Variants in FRMD4B observed in about 807,000 individuals in gnomAD.
The protein encoded by FRMD4B is FERM domain containing 4B, also known as FERM domain-containing protein 4B.
FRMD4B carries 74 observed loss-of-function variants against 141.5 expected under a neutral mutation model. The ratio of observed to expected loss-of-function variants is 0.52; its 90% CI spans 0.43 to 0.63. FRMD4B has a LOEUF of 0.63. Among genes scored for constraint, FRMD4B ranks in the 30% least tolerant of loss-of-function variants. The probability of loss-of-function intolerance (pLI) is 0.00; values close to 1 mark genes in which losing one functional copy is unlikely to be tolerated. For synonymous variants in FRMD4B, 506 were observed against 467.9 expected (o/e 1.08, Z -1.05); for missense variants, 1,366 against 1,253.4 (o/e 1.09, Z -1.36).
At chr3:69,243,395 GAA>G (rs1311568203) in intron 7 of FRMD4B, among the ~76,000 whole-genome samples, 1 of 152,202 alleles carries the variant, frequency 6.6e-6, no homozygotes, top group African/African-American at 2.4e-5. Context: ...GAGAAAAAAT[GAA>G]GAGAGGCATG....
At chr3:69,347,891 A>C (rs1263189082) in intron 1 of FRMD4B, among the ~76,000 whole-genome samples, 1 of 152,264 alleles carries the variant, frequency 6.6e-6, no homozygotes, top group Non-Finnish European at 1.5e-5. Flanking sequence ...GAGAGATCTA[A>C]ATTTGACACC....
At chr3:69,394,361 G>A (rs1000593773) in intron 2 of FRMD4B, among the ~76,000 whole-genome samples, 5 of 152,328 alleles carry the variant, frequency 3.3e-5, no homozygotes, top group East Asian at 3.9e-4. Flanking sequence ...TTTCAAATAC[G>A]GATCTTGGGA....
At chr3:69,394,956 A>G (rs1435681906) in intron 2 of FRMD4B, among the ~76,000 whole-genome samples, 1 of 152,178 alleles carries the variant, frequency 6.6e-6, no homozygotes, top group Non-Finnish European at 1.5e-5. Context: ...CATAAGTGGT[A>G]GTTGAACAAT....
intron 1 of FRMD4B, among the ~76,000 whole-genome samples, chr3:69,340,738 G>A (rs1028065364): frequency 6.6e-6 from 1 of 152,162 alleles, no homozygotes; most frequent in African/African-American, 2.4e-5. Flanking sequence ...GGGTTCCATA[G>A]CTCTTATTAT....
At chr3:69,403,971 T>C (rs550884402) in intron 2 of FRMD4B, among the ~76,000 whole-genome samples, 2 of 152,288 alleles carry the variant, frequency 1.3e-5, no homozygotes, top group East Asian at 3.9e-4. Flanking sequence ...ACAATTATGC[T>C]CACAGCCTTG....
chr3:69,438,055 A>G (rs2106853754), intron 1 of FRMD4B, among the ~76,000 whole-genome samples: 1 of 144,628 alleles, frequency 6.9e-6, no homozygotes, highest in African/African-American at 2.5e-5. Context: ...CTACTATATG[A>G]TATATAATTA....
At chr3:69,420,864 A>C (rs1704963385) in intron 2 of FRMD4B, among the ~76,000 whole-genome samples, 1 of 152,230 alleles carries the variant, frequency 6.6e-6, no homozygotes, top group Admixed American at 6.5e-5. Context: ...TGAAGCAAAG[A>C]TGCCAGGGAG....
In FRMD4B at chr3:69,282,290, T is replaced by A. The variant is rs184829947; in HGVS notation, c.501+5462A>T. 8.5e-5 allele frequency among the ~76,000 whole-genome samples: 13 copies of A among 152,190 alleles called. No homozygotes were observed. In the East Asian group the frequency reaches 2.3e-3, roughly 27 times the overall value. ...TGGCAGAGAAGAAATGTGTGTAGGG[T>A]GTGATCAGAGGTGTCAAACATCTCA... On this transcript the variant is annotated intron_variant, in intron 5 of 22. Transcript: ENST00000398540.
At chr3:69,180,259 A>G (rs2092691494) in intron 21 of FRMD4B, among the ~76,000 whole-genome samples, 1 of 151,682 alleles carries the variant, frequency 6.6e-6, no homozygotes, top group Non-Finnish European at 1.5e-5. Context: ...AAAAAAAAAA[A>G]AAAAAAAAAA....
At chr3:69,326,522 T>C (rs974485521) in intron 1 of FRMD4B, among the ~76,000 whole-genome samples, 3 of 152,250 alleles carry the variant, frequency 2.0e-5, no homozygotes, top group Non-Finnish European at 4.4e-5. Flanking sequence ...TGCAAGTTAA[T>C]ATGTGTTCAT....
chr3:69,501,316 C>G (rs1706493433), intron 1 of FRMD4B, among the ~76,000 whole-genome samples: 1 of 149,476 alleles, frequency 6.7e-6, no homozygotes, highest in African/African-American at 2.5e-5. Context: ...TCCAGTGTGG[C>G]TCAGGGAAGT....
intron 1 of FRMD4B, among the ~76,000 whole-genome samples, chr3:69,461,977 G>A (rs1414624337): frequency 6.6e-6 from 1 of 152,096 alleles, no homozygotes; most frequent in Admixed American, 6.6e-5. Flanking sequence ...CCTGCTCTGG[G>A]GGCCTTCTCT....
chr3:69,204,216 G>A (rs189932650), intron 11 of FRMD4B, among the ~76,000 whole-genome samples: 1 of 152,224 alleles, frequency 6.6e-6, no homozygotes, highest in East Asian at 1.9e-4. Flanking sequence ...CACCTGCCAC[G>A]TGCTAGGAGG....
intron 11 of FRMD4B, chr3:69,200,436 G>T: frequency 1.0e-6 from 1 of 995,320 alleles, no homozygotes; most frequent in Non-Finnish European, 1.2e-6. Context: ...TCCAAAAATG[G>T]GACAGAAATG....
chr3:69,190,983 G>C (rs563965152), intron 17 of FRMD4B, among the ~76,000 whole-genome samples: 24 of 152,302 alleles, frequency 1.6e-4, no homozygotes, highest in African/African-American at 5.8e-4. Context: ...TTAGAATAAC[G>C]GATGTAAAGC....
intron 11 of FRMD4B, among the ~76,000 whole-genome samples, chr3:69,216,052 G>A (rs1312748371): frequency 6.6e-6 from 1 of 152,068 alleles, no homozygotes; most frequent in African/African-American, 2.4e-5. Context: ...TACTTGGGAG[G>A]CTGAGGCAGG....
chr3:69,196,734 GC>G lies in FRMD4B; in HGVS notation c.1092+165del, dbSNP rs1035166753. The G allele has an allele frequency of 9.2e-5, 56 of 609,028 alleles. No individual in the cohort carries two copies. In the African/African-American group the frequency reaches 9.5e-4, roughly 10 times the overall value. The allele number at this position is 609,028 out of a possible 1,614,324, so 37.7% of individuals were successfully genotyped here. A position where few individuals can be genotyped will look rare whatever the true frequency, so the allele number is the denominator to read the frequency against. ...CAACTTTTAAAGCAGCTTATATATTGCCCATCATGTAAACATATAAAAAACC... is the reference window on the plus strand; with the variant it reads ...CAACTTTTAAAGCAGCTTATATATTGCCATCATGTAAACATATAAAAAACC... On this transcript the variant is annotated intron_variant, in intron 13 of 22. Transcript: ENST00000398540.
chr3:69,373,874 A>G (rs1432664405), intron 1 of FRMD4B, among the ~76,000 whole-genome samples: 1 of 152,206 alleles, frequency 6.6e-6, no homozygotes, highest in African/African-American at 2.4e-5. Flanking sequence ...CCCTGTCTCA[A>G]TCAATCAATC....
intron 11 of FRMD4B, among the ~76,000 whole-genome samples, chr3:69,207,009 T>C (rs1296649347): frequency 6.6e-6 from 1 of 152,156 alleles, no homozygotes; most frequent in East Asian, 1.9e-4. Context: ...AAGTATATAA[T>C]AAAGAAACTT....
Sources: gnomAD v4.1 joint callset for allele counts (sites outside exome capture counted in the v4.1 genomes callset) on GRCh38, gnomAD v4.1.1 for gene constraint, MANE v1.5 for transcripts, NCBI Gene and HGNC (gene_info 2026-07-23, HGNC 2026-07-21) for gene names.